CLSTN2: variants seen among roughly 807,000 people sequenced by gnomAD.
CLSTN2 encodes the protein calsyntenin-2.
In CLSTN2, 48 loss-of-function variants were observed where a neutral mutation model predicts 101.2. The observed-to-expected ratio is 0.47, with a 90% CI of 0.38 to 0.60. The LOEUF is 0.60. Ranked by LOEUF, CLSTN2 falls within the 20% of genes least tolerant of loss-of-function variation. The pLI is 0.00. For missense variants in CLSTN2, 1,160 were observed against 1,238.2 expected (o/e 0.94, Z 0.95); for synonymous variants, 481 against 463.6 (o/e 1.04, Z -0.48).
At chr3:140,260,157 TTA>T (rs1553726238) in intron 2 of CLSTN2, among the ~76,000 whole-genome samples, 1 of 144,260 alleles carries the variant, frequency 6.9e-6, no homozygotes, top group African/African-American at 2.5e-5. Context: ...TATATATATA[TTA>T]TATATAAAAT....
intron 1 of CLSTN2, among the ~76,000 whole-genome samples, chr3:139,991,684 G>A (rs923488260): frequency 6.6e-6 from 1 of 152,200 alleles, no homozygotes; most frequent in African/African-American, 2.4e-5. Flanking sequence ...ATTTATATTA[G>A]CCAAGGTTGT....
Position 140,566,228 on chromosome 3 carries a change from G to T in CLSTN2, c.2843G>T (p.Trp948Leu). Reference sequence around the variant, plus strand: ...GGAGCCAGGCAAGCCCAGCTGGAGTGGGATGACTCCACCCTCCCCTACTAG... The same window carrying T: ...GGAGCCAGGCAAGCCCAGCTGGAGTTGGATGACTCCACCCTCCCCTACTAG... ...QNGARQAQLE[W>L]DDSTLPY Residue 948 changes from tryptophan to leucine, a missense_variant, in exon 17 of 17, where the codon TGG becomes TTG. Physicochemically the swap from Trp to Leu is moderately conservative, Grantham distance 61. Coordinates refer to ENST00000458420, the MANE Select transcript of CLSTN2 (RefSeq NM_022131.3). The T allele has an allele frequency of 6.3e-7, 1 of 1,580,096 alleles. No individual in the cohort carries two copies. Among genetic ancestry groups the T allele is most frequent in the Non-Finnish European group, 8.6e-7 (1 of 1,162,450 alleles).
chr3:140,415,390 T>C (rs2088417570), intron 4 of CLSTN2, among the ~76,000 whole-genome samples: 1 of 143,966 alleles, frequency 6.9e-6, no homozygotes, highest in Admixed American at 7.5e-5. Context: ...TTCAACAAAA[T>C]GCAGAGGCAA....
chr3:140,391,145 A>T (rs751647747), intron 2 of CLSTN2, among the ~76,000 whole-genome samples: 82 of 152,236 alleles, frequency 5.4e-4, no homozygotes, highest in East Asian at 1.4e-3. Flanking sequence ...TCTCTCCAGG[A>T]TTCTACTCTC....
chr3:140,388,245 G>A (rs2088075148), intron 2 of CLSTN2, among the ~76,000 whole-genome samples: 1 of 152,216 alleles, frequency 6.6e-6, no homozygotes, highest in Admixed American at 6.5e-5. Flanking sequence ...TTAATTAACT[G>A]ACTGTAAATA....
chr3:140,225,917 T>TA (rs755515327), intron 2 of CLSTN2, among the ~76,000 whole-genome samples: 4,688 of 151,506 alleles, frequency 0.031, 143 homozygotes, highest in African/African-American at 0.085. Flanking sequence ...TGATTTTTTT[T>TA]AAAAAAAAAA....
In CLSTN2 at chr3:140,566,193, T is replaced by A; in HGVS notation, c.2808T>A (p.His936Gln). ...EEEEGMGRGR[H>Q]GQNGARQAQL... is the part of the protein sequence containing the mutation. ...AGGAAGGGATGGGCAGAGGCAGACA[T>A]GGGCAGAATGGAGCCAGGCAAGCCC... The change falls in exon 17 of 17, where the codon CAT becomes CAA. Residue 936 changes from histidine (H) to glutamine (Q), a missense_variant. Coordinates refer to ENST00000458420, the MANE Select transcript of CLSTN2 (RefSeq NM_022131.3). 1 of 1,605,320 alleles carries A rather than the reference T, an allele frequency of 6.2e-7. No individual in the cohort carries two copies. Among genetic ancestry groups the A allele is most frequent in the Non-Finnish European group, 8.5e-7 (1 of 1,175,612 alleles).
intron 8 of CLSTN2, among the ~76,000 whole-genome samples, chr3:140,480,858 A>G (rs899832082): frequency 7.2e-5 from 11 of 152,164 alleles, no homozygotes; most frequent in South Asian, 4.1e-4. Context: ...CCTTTGTCCA[A>G]TGAGTAGATT....
intron 8 of CLSTN2, among the ~76,000 whole-genome samples, chr3:140,531,250 C>T (rs1935249497): frequency 6.6e-6 from 1 of 152,124 alleles, no homozygotes; most frequent in African/African-American, 2.4e-5. Context: ...ATTCATCAGG[C>T]TTTATCAGAC....
chr3:140,102,158 C>A (rs992443476), intron 1 of CLSTN2, among the ~76,000 whole-genome samples: 1 of 152,174 alleles, frequency 6.6e-6, no homozygotes, highest in Non-Finnish European at 1.5e-5. Context: ...CTGCTGTCTA[C>A]AGTTGGGCCA....
chr3:140,301,118 G>T (rs1309329972), intron 2 of CLSTN2, among the ~76,000 whole-genome samples: 1 of 152,136 alleles, frequency 6.6e-6, no homozygotes, highest in African/African-American at 2.4e-5. Context: ...CACTGAGGAG[G>T]ACAGTCTACT....
chr3:140,166,815 C>T (rs1046325789), intron 1 of CLSTN2, among the ~76,000 whole-genome samples: 20 of 152,108 alleles, frequency 1.3e-4, no homozygotes, highest in African/African-American at 4.8e-4. Flanking sequence ...AAGAAAGAGG[C>T]AAGAATTAGT....
chr3:140,432,100 T>C lies in CLSTN2; in HGVS notation c.787+10826T>C, dbSNP rs1341470107. Reference sequence around the variant, plus strand: ...ATGTCCTGGATTTTTGTACTTAAGATTGGGATCAAAGGGAGACAGTGGGGT... The same window carrying C: ...ATGTCCTGGATTTTTGTACTTAAGACTGGGATCAAAGGGAGACAGTGGGGT... On this transcript the variant is annotated intron_variant, in intron 5 of 16. Transcript: ENST00000458420. Among the ~76,000 whole-genome samples the C allele has an allele frequency of 2.0e-5, 3 of 152,146 alleles. No individual in the cohort carries two copies. The East Asian group carries it at 5.8e-4, about 29-fold the overall frequency.
At position 140,206,688 on chromosome 3, in the gene CLSTN2, G is replaced by T. The variant is rs530209823; in HGVS notation, c.232+30615G>T. On this transcript the variant is annotated intron_variant, in intron 2 of 16. Transcript: ENST00000458420. ...GGATTTGAAGCAGCCGAGGAGAGAG[G>T]CTGAGACTAGGTTTAAAATCTCCCA... Among the ~76,000 whole-genome samples, 34 of 152,322 alleles carry T rather than the reference G, an allele frequency of 2.2e-4. No homozygotes were observed. In the South Asian group the frequency reaches 6.0e-3, roughly 27 times the overall value.
chr3:140,146,857 A>T (rs1407406206), intron 1 of CLSTN2, among the ~76,000 whole-genome samples: 1 of 152,206 alleles, frequency 6.6e-6, no homozygotes. Context: ...GCCTGGGAAC[A>T]CAGCCCTGTT....
At chr3:140,013,723 A>G (rs2007136581) in intron 1 of CLSTN2, among the ~76,000 whole-genome samples, 1 of 151,030 alleles carries the variant, frequency 6.6e-6, no homozygotes, top group South Asian at 2.1e-4. Flanking sequence ...CCAAACTAAA[A>G]ACCATAACTA....
chr3:140,322,450 C>T (rs893498786), intron 2 of CLSTN2, among the ~76,000 whole-genome samples: 17 of 152,240 alleles, frequency 1.1e-4, no homozygotes, highest in East Asian at 1.9e-4. Context: ...CCAAATGTGA[C>T]GCAGAGCAAG....
intron 2 of CLSTN2, among the ~76,000 whole-genome samples, chr3:140,181,360 A>T (rs2010404879): frequency 6.6e-6 from 1 of 151,712 alleles, no homozygotes; most frequent in African/African-American, 2.4e-5. Context: ...TGAAATTTGT[A>T]TTATTATCAG....
intron 2 of CLSTN2, among the ~76,000 whole-genome samples, chr3:140,362,588 A>T (rs1437665882): frequency 1.3e-5 from 2 of 152,202 alleles, no homozygotes; most frequent in Non-Finnish European, 2.9e-5. Flanking sequence ...TGAATGCAGA[A>T]TATATAAATA....
Sources: allele counts gnomAD v4.1 joint callset (sites outside exome capture counted in the v4.1 genomes callset), GRCh38; gene constraint gnomAD v4.1.1; transcripts MANE v1.5; gene names NCBI Gene and HGNC (gene_info 2026-07-23, HGNC 2026-07-21).